The following CLEC4G variants were observed in gnomAD, a reference collection of about 807,000 sequenced individuals.
The protein encoded by CLEC4G is C-type lectin superfamily 4, member G.
A neutral mutation model predicts 37.0 loss-of-function variants in CLEC4G; 34 were observed. The observed-to-expected ratio is 0.92, with a 90% CI of 0.70 to 1.22. The LOEUF is 1.22. CLEC4G is among the 50% of genes most tolerant of loss of function. CLEC4G has a pLI of 0.00. For synonymous variants in CLEC4G, 167 were observed against 165.6 expected (o/e 1.01, Z -0.06); for missense variants, 390 against 392.9 (o/e 0.99, Z 0.06).
At position 7,730,405 on chromosome 19, in the gene CLEC4G, C is replaced by T; in HGVS notation, c.424G>A (p.Glu142Lys). ...CGGAACAGCTCAGTGCGGACGTCCT[C>T]ACGGCCCCTGCCGGCTTCAGCCAAG... The part of the protein sequence containing the change: ...QGLAEAGRGR[E>K]DVRTELFRAL... The change falls in exon 6 of 9, where the codon GAG (glutamate) becomes AAG (lysine). Residue 142 changes from glutamate to lysine, a missense_variant. Coordinates refer to ENST00000328853, the MANE Select transcript of CLEC4G (RefSeq NM_198492.4). The surrounding 1 kb of genome is among the most constrained non-coding windows in gnomAD (Gnocchi z 7.3). The T allele has an allele frequency of 1.2e-6, 2 of 1,602,324 alleles. No individual in the cohort carries two copies.
In CLEC4G at chr19:7,731,000, C is replaced by T. The variant is rs2146300714; in HGVS notation, c.283+26G>A. 1 of 1,591,880 alleles carries T rather than the reference C, an allele frequency of 6.3e-7. No individual in the cohort carries two copies. Among genetic ancestry groups the T allele is most frequent in the Non-Finnish European group, 8.5e-7 (1 of 1,175,194 alleles). ...CGGCCGCAAGACCCCATCCCTGCGCCCACAGCCTCGACCGCGCCCCCTCAC... is the reference window on the plus strand; with the variant it reads ...CGGCCGCAAGACCCCATCCCTGCGCTCACAGCCTCGACCGCGCCCCCTCAC... On this transcript the variant is annotated intron_variant, in intron 4 of 8. Transcript: ENST00000328853. This position sits in a 1 kb window ranked among gnomAD's most constrained non-coding sequence, Gnocchi z 7.3.
Position 7,731,306 on chromosome 19 carries a change from G to C in CLEC4G, c.180C>G (p.Arg60=). Residue 60 remains arginine (R), a synonymous_variant, in exon 3 of 9, where the codon CGC becomes CGG. Coordinates refer to ENST00000328853, the MANE Select transcript of CLEC4G (RefSeq NM_198492.4). Reference sequence around the variant, plus strand: ...GGTCGTGGCCGTCAAGCAGCGCCGCGCGCTCCGTGGAGGCTGAGGAGAGAG... The same window carrying C: ...GGTCGTGGCCGTCAAGCAGCGCCGCCCGCTCCGTGGAGGCTGAGGAGAGAG... ...SILLSKASTE[R]AALLDGHDLL... 1 of 1,578,752 alleles carries C rather than the reference G, an allele frequency of 6.3e-7. No homozygotes were observed. Among genetic ancestry groups the C allele is most frequent in the Non-Finnish European group, 8.6e-7 (1 of 1,167,074 alleles).
intron 1 of CLEC4G, 86 bp downstream of exon 1, chr19:7,731,962 A>G: frequency 6.8e-7 from 1 of 1,463,072 alleles, no homozygotes; most frequent in South Asian, 1.2e-5. Context: ...TGCACCCACA[A>G]CCCTGGCCTG....
chr19:7,729,258 A>G lies in CLEC4G; in HGVS notation c.*108T>C, dbSNP rs747876719. On this transcript the variant is annotated 3_prime_UTR_variant, in exon 9 of 9. Coordinates refer to ENST00000328853, the MANE Select transcript of CLEC4G (RefSeq NM_198492.4). Reference sequence around the variant, plus strand: ...TGTTTCTGAGACTCAGCAGCGGTGGATGAGGAAGAAAAAACTCTTTGGCAA... The same window carrying G: ...TGTTTCTGAGACTCAGCAGCGGTGGGTGAGGAAGAAAAAACTCTTTGGCAA... 1.1e-5 allele frequency: 9 copies of G among 784,590 alleles called. No homozygotes were observed. Among genetic ancestry groups the G allele is most frequent in the Non-Finnish European group, 9.0e-6 (4 of 442,018 alleles). 48.6% of individuals were successfully genotyped at this position (784,590 alleles called of 1,614,324 possible). A position where few individuals can be genotyped will look rare whatever the true frequency, so the allele number is the denominator to read the frequency against.
chr19:7,731,665 G>A lies in CLEC4G; in HGVS notation c.162C>T (p.Ser54=). ...LWAVILSILL[S]KASTERAALL... Reference sequence around the variant, plus strand: ...TCCCCATTGAGAGTCACTCACCCTTGGACAATAGGATACTCAGAATCACAG... The same window carrying A: ...TCCCCATTGAGAGTCACTCACCCTTAGACAATAGGATACTCAGAATCACAG... The change falls in exon 2 of 9, where the codon TCC becomes TCT. Residue 54 remains serine (S), a synonymous_variant. Coordinates refer to ENST00000328853, the MANE Select transcript of CLEC4G (RefSeq NM_198492.4). 1 of 1,613,938 alleles carries A rather than the reference G, an allele frequency of 6.2e-7. No individual in the cohort carries two copies. The highest frequency in any genetic ancestry group is 8.5e-7 in the Non-Finnish European group (1 of 1,179,922).
chr19:7,731,736 GTC>G lies in CLEC4G; in HGVS notation c.89_90del (p.Arg30ThrfsTer35). The G allele has an allele frequency of 6.2e-7, 1 of 1,614,066 alleles. No individual in the cohort carries two copies. The highest frequency in any genetic ancestry group is 8.5e-7 in the Non-Finnish European group (1 of 1,179,992). On this transcript the variant is annotated frameshift_variant, in exon 2 of 9. Coordinates refer to ENST00000328853, the MANE Select transcript of CLEC4G (RefSeq NM_198492.4). LOFTEE classifies it high-confidence loss of function. ...PWGRWVHWSR[R>X]PLFLALAVLV... ...AGGACAGCCAGGGCCAAGAAGAGGGGTCTCCTGCTCCAGTGCACCCAGCGTCC... is the reference window on the plus strand; with the variant it reads ...AGGACAGCCAGGGCCAAGAAGAGGGGTCCTGCTCCAGTGCACCCAGCGTCC...
Position 7,730,730 on chromosome 19 carries a change from G to A in CLEC4G, c.388+25C>T, listed in dbSNP as rs549159765. The stretch of plus-strand genomic sequence containing the variant: ...GTCGGGGGACGCGGCCAGGGCTCAG[G>A]GCCGGGGTCGCGTCGGGCCCTCACC... On this transcript the variant is annotated intron_variant, in intron 5 of 8. Coordinates refer to ENST00000328853, the MANE Select transcript of CLEC4G (RefSeq NM_198492.4). The surrounding 1 kb of genome is among the most constrained non-coding windows in gnomAD (Gnocchi z 7.3). The A allele has an allele frequency of 4.9e-5, 75 of 1,526,490 alleles. 1 individual carries two copies. The South Asian group carries it at 7.6e-4, about 15-fold the overall frequency. The allele number at this position is 1,526,490 out of a possible 1,614,324, so 94.6% of individuals were successfully genotyped here. A position where few individuals can be genotyped will look rare whatever the true frequency, so the allele number is the denominator to read the frequency against.
intron 2 of CLEC4G, 89 bp downstream of exon 2, chr19:7,731,572 C>G: frequency 6.5e-7 from 1 of 1,533,720 alleles, no homozygotes; most frequent in Admixed American, 2.0e-5. Flanking sequence ...GCGAACAGGA[C>G]CCCAGGATGC....
At position 7,730,554 on chromosome 19, in the gene CLEC4G, C is replaced by T; in HGVS notation, c.389-114G>A. ...GTCATTGTACCCTCGGTGCCAGCGT[C>T]CAGGATGGCACAGGGTCAAGGGCGG... On this transcript the variant is annotated intron_variant, in intron 5 of 8. Coordinates refer to ENST00000328853, the MANE Select transcript of CLEC4G (RefSeq NM_198492.4). The surrounding 1 kb of genome is among the most constrained non-coding windows in gnomAD (Gnocchi z 7.3). 1 of 1,486,744 alleles carries T rather than the reference C, an allele frequency of 6.7e-7. No homozygotes were observed. The highest frequency in any genetic ancestry group is 8.9e-7 in the Non-Finnish European group (1 of 1,121,850). The allele number at this position is 1,486,744 out of a possible 1,614,324, so 92.1% of individuals were successfully genotyped here.
intron 2 of CLEC4G, 25 bp from the exon 3 acceptor site, chr19:7,731,344 G>C (rs1305521514): frequency 6.4e-7 from 1 of 1,556,434 alleles, no homozygotes; most frequent in Non-Finnish European, 8.6e-7. Flanking sequence ...TCCTGCAGGC[G>C]AGGCCGGGAA....
chr19:7,729,972 G>T (rs2033401959), intron 7 of CLEC4G, 36 bp from the exon 8 acceptor site: 1 of 1,608,508 alleles, frequency 6.2e-7, no homozygotes, highest in African/African-American at 1.3e-5. Flanking sequence ...TGCAGAGTCC[G>T]CCCCGCCCTG....
At position 7,731,380 on chromosome 19, in the gene CLEC4G, G is replaced by T; in HGVS notation, c.167-61C>A. 4 of 1,530,140 alleles carry T rather than the reference G, an allele frequency of 2.6e-6. No homozygotes were observed. In the South Asian group the frequency reaches 3.6e-5, roughly 14 times the overall value. 94.8% of individuals were successfully genotyped at this position (1,530,140 alleles called of 1,614,324 possible). A position where few individuals can be genotyped will look rare whatever the true frequency, so the allele number is the denominator to read the frequency against. On this transcript the variant is annotated intron_variant, in intron 2 of 8. Transcript: ENST00000328853. ...CTCGGGAATCCTCCCCTCGCCCGGG[G>T]GGTGCAGCGTCCCCCAACTCGGGAG...
In CLEC4G at chr19:7,731,313, G is replaced by A. The variant is rs750180177; in HGVS notation, c.173C>T (p.Thr58Met). The A allele has an allele frequency of 5.1e-6, 8 of 1,576,176 alleles. No homozygotes were observed. Among genetic ancestry groups the A allele is most frequent in the South Asian group, 1.2e-5 (1 of 86,770 alleles). Residue 58 changes from threonine (T) to methionine (M), a missense_variant, in exon 3 of 9, where the codon ACG becomes ATG. Coordinates refer to ENST00000328853, the MANE Select transcript of CLEC4G (RefSeq NM_198492.4). ...ILSILLSKAS[T>M]ERAALLDGHD... is the part of the protein sequence containing the mutation. ...GCCGTCAAGCAGCGCCGCGCGCTCC[G>A]TGGAGGCTGAGGAGAGAGGCTCCTG... is the stretch of plus-strand genomic sequence containing the variant.
Position 7,729,233 on chromosome 19 carries a change from T to G in CLEC4G, c.*133A>C, listed in dbSNP as rs758992607. On this transcript the variant is annotated 3_prime_UTR_variant, in exon 9 of 9. Transcript: ENST00000328853. ...CTGGACAGGGCTATGTTGGGCCAAG[T>G]GTTTCTGAGACTCAGCAGCGGTGGA... 6.9e-6 allele frequency: 5 copies of G among 729,176 alleles called. No homozygotes were observed. In the Middle Eastern group the frequency reaches 6.8e-4, roughly 99 times the overall value. The allele number at this position is 729,176 out of a possible 1,614,324, so 45.2% of individuals were successfully genotyped here.
chr19:7,729,944 G>A lies in CLEC4G; in HGVS notation c.628-8C>T. 1 of 1,613,854 alleles carries A rather than the reference G, an allele frequency of 6.2e-7. No homozygotes were observed. Among genetic ancestry groups the A allele is most frequent in the Non-Finnish European group, 8.5e-7 (1 of 1,179,950 alleles). ...GTTCCGAGTGAGGAAGCCCTAGAAAGGAGGGGACATCTGAGCCTGCAGAGT... is the reference window on the plus strand; with the variant it reads ...GTTCCGAGTGAGGAAGCCCTAGAAAAGAGGGGACATCTGAGCCTGCAGAGT... On this transcript the variant is annotated splice_polypyrimidine_tract_variant and splice_region_variant and intron_variant, in intron 7 of 8. Transcript: ENST00000328853.
rs988075817 is a variant in CLEC4G at position 7,730,272 on chromosome 19, CAG to C, written c.478+77_478+78del. ...CCCCGCGGGCTCAGGGGTGGAGACA[CAG>C]AACCAGGCCAAGGTCCAGGAGTGAC... On this transcript the variant is annotated intron_variant, in intron 6 of 8. Coordinates refer to ENST00000328853, the MANE Select transcript of CLEC4G (RefSeq NM_198492.4). This position sits in a 1 kb window ranked among gnomAD's most constrained non-coding sequence, Gnocchi z 7.3. 6.4e-7 allele frequency: 1 copy of C among 1,571,948 alleles called. No homozygotes were observed. Among genetic ancestry groups the C allele is most frequent in the African/African-American group, 1.4e-5 (1 of 74,026 alleles).
At chr19:7,729,994 G>T in intron 7 of CLEC4G, 25 bp downstream of exon 7, 2 of 1,601,612 alleles carry the variant, frequency 1.2e-6, no homozygotes, top group South Asian at 2.2e-5. Context: ...CCCACCGCCT[G>T]ACCACGCCCC....
chr19:7,729,947 G>A lies in CLEC4G; in HGVS notation c.628-11C>T, dbSNP rs777198188. The A allele has an allele frequency of 3.2e-5, 51 of 1,613,564 alleles. No homozygotes were observed. Among genetic ancestry groups the A allele is most frequent in the East Asian group, 4.5e-5 (2 of 44,882 alleles). ...CCGAGTGAGGAAGCCCTAGAAAGGA[G>A]GGGACATCTGAGCCTGCAGAGTCCG... On this transcript the variant is annotated splice_polypyrimidine_tract_variant and intron_variant, in intron 7 of 8. Transcript: ENST00000328853.
In CLEC4G at chr19:7,732,108, T is replaced by C; in HGVS notation, c.-6A>G. 1 of 1,590,186 alleles carries C rather than the reference T, an allele frequency of 6.3e-7. No individual in the cohort carries two copies. The highest frequency in any genetic ancestry group is 8.6e-7 in the Non-Finnish European group (1 of 1,158,030). On this transcript the variant is annotated 5_prime_UTR_variant, in exon 1 of 9. Coordinates refer to ENST00000328853, the MANE Select transcript of CLEC4G (RefSeq NM_198492.4). ...CTGTACCTGGTGGTGTCCATGGCGA[T>C]GCAGGCACCCAGTCCTGGGCAGAGA...
Sources: allele counts gnomAD v4.1 joint callset, GRCh38; gene constraint gnomAD v4.1.1; non-coding constraint Gnocchi (gnomAD v3.1); transcripts MANE v1.5; gene names NCBI Gene and HGNC (gene_info 2026-07-23, HGNC 2026-07-21).